ADAM19: variants seen among roughly 807,000 people sequenced by gnomAD.
ADAM19 encodes ADAM metallopeptidase domain 19.
Under a neutral mutation model 114.7 loss-of-function variants are expected in ADAM19, and 65 were observed. The ratio of observed to expected loss-of-function variants is 0.57; its 90% CI spans 0.46 to 0.70. The LOEUF is 0.70. ADAM19 is among the 30% of genes least tolerant of loss of function. The pLI, the probability that ADAM19 is intolerant of heterozygous loss-of-function variation, is 0.00. For synonymous variants in ADAM19, 466 were observed against 460.5 expected (o/e 1.01, Z -0.15); for missense variants, 1,063 against 1,204.7 (o/e 0.88, Z 1.74).
At position 157,531,799 on chromosome 5, in the gene ADAM19, G is replaced by C. The variant is rs1012386690; in HGVS notation, c.331-916C>G. Among the ~76,000 whole-genome samples the C allele has an allele frequency of 1.1e-4, 17 of 152,230 alleles. 1 individual carries two copies. The South Asian group carries it at 2.1e-3, about 19-fold the overall frequency. ...ACACAGAAAGAGAAGAAGGCCATTT[G>C]AAGATGGGGGCAGAGACTGGAGTGA... On this transcript the variant is annotated intron_variant, in intron 4 of 22. Coordinates refer to ENST00000257527, the MANE Select transcript of ADAM19 (RefSeq NM_033274.5).
At chr5:157,527,801 G>T (rs1319236634) in intron 5 of ADAM19, among the ~76,000 whole-genome samples, 1 of 152,178 alleles carries the variant, frequency 6.6e-6, no homozygotes, top group Non-Finnish European at 1.5e-5. Flanking sequence ...GTGAGAAAGA[G>T]ATGTTATCTT....
At position 157,479,751 on chromosome 5, in the gene ADAM19, T is replaced by A. The variant is rs1460630899; in HGVS notation, c.*1198A>T. ...AGCTGCTGCTGGCTGCCTTCTCCAG[T>A]GATCTCGGGCAGCTCCCAGAAATGG... is the stretch of plus-strand genomic sequence containing the variant. On this transcript the variant is annotated 3_prime_UTR_variant, in exon 23 of 23. Transcript: ENST00000257527. 3.0e-6 allele frequency: 3 copies of A among 985,544 alleles called. No individual in the cohort carries two copies. The African/African-American group carries it at 5.2e-5, about 17-fold the overall frequency. The allele number at this position is 985,544 out of a possible 1,614,324, so 61.0% of individuals were successfully genotyped here.
chr5:157,524,250 T>G (rs1197923805), intron 5 of ADAM19, among the ~76,000 whole-genome samples: 1 of 152,252 alleles, frequency 6.6e-6, no homozygotes, highest in Non-Finnish European at 1.5e-5. Context: ...ATGTTAGCCC[T>G]GGCAAAGGCA....
At chr5:157,566,924 A>T (rs1254351517) in intron 2 of ADAM19, among the ~76,000 whole-genome samples, 1 of 152,190 alleles carries the variant, frequency 6.6e-6, no homozygotes, top group Non-Finnish European at 1.5e-5. Context: ...CTCCCAACTC[A>T]GCCTCCCAAA....
intron 3 of ADAM19, among the ~76,000 whole-genome samples, chr5:157,563,836 G>A (rs1451794067): frequency 1.3e-5 from 2 of 152,196 alleles, no homozygotes; most frequent in African/African-American, 4.8e-5. Context: ...CAAGATGAAT[G>A]AGGTTAAGAA....
intron 22 of ADAM19, 77 bp from the exon 23 acceptor site, chr5:157,481,079 C>T: frequency 2.5e-6 from 4 of 1,591,884 alleles, no homozygotes; most frequent in Non-Finnish European, 3.4e-6. Context: ...AGCCATCCTC[C>T]CGATTTTAGA....
At chr5:157,560,746 G>T (rs982144942) in intron 3 of ADAM19, among the ~76,000 whole-genome samples, 11 of 152,210 alleles carry the variant, frequency 7.2e-5, no homozygotes, top group African/African-American at 2.4e-4. Flanking sequence ...TCCAGGGTTT[G>T]CTCACCAAAC....
intron 8 of ADAM19, 103 bp from the exon 9 acceptor site, chr5:157,509,570 T>A: frequency 1.1e-6 from 1 of 910,954 alleles, no homozygotes; most frequent in Non-Finnish European, 1.5e-6. Context: ...AGAAAAAAAC[T>A]AAAACTAAAA....
rs764108529 is a variant in ADAM19, at chr5:157,492,962, AG to A, written c.1908+10del. On this transcript the variant is annotated intron_variant, in intron 16 of 22. Coordinates refer to ENST00000257527, the MANE Select transcript of ADAM19 (RefSeq NM_033274.5). ...CAGCTGGCTCCTAGGTGAGCAGGGG[AG>A]GGGACTCACATGGTTGTAGCCACAC... 1 of 1,613,894 alleles carries A rather than the reference AG, an allele frequency of 6.2e-7. No homozygotes were observed. The highest frequency in any genetic ancestry group is 2.2e-5 in the East Asian group (1 of 44,872).
chr5:157,545,171 G>T (rs1415109801), intron 3 of ADAM19, among the ~76,000 whole-genome samples: 1 of 152,212 alleles, frequency 6.6e-6, no homozygotes, highest in African/African-American at 2.4e-5. Flanking sequence ...CTAAGACACA[G>T]ACCGCACCCA....
Position 157,480,462 on chromosome 5 carries a change from T to C in ADAM19, c.*487A>G. The stretch of plus-strand genomic sequence containing the variant: ...CAGCAGTGGCTGGCTTGACCCTTCC[T>C]TAATCCCTAAAAGCTAAAAGGGGTG... On this transcript the variant is annotated 3_prime_UTR_variant, in exon 23 of 23. Coordinates refer to ENST00000257527, the MANE Select transcript of ADAM19 (RefSeq NM_033274.5). The C allele has an allele frequency of 1.0e-6, 1 of 990,884 alleles. No individual in the cohort carries two copies. Among genetic ancestry groups the C allele is most frequent in the Non-Finnish European group, 1.2e-6 (1 of 833,520 alleles). The allele number at this position is 990,884 out of a possible 1,614,324, so 61.4% of individuals were successfully genotyped here.
chr5:157,530,984 CCT>C (rs1491378176), intron 4 of ADAM19, 101 bp from the exon 5 acceptor site: 6 of 932,880 alleles, frequency 6.4e-6, no homozygotes, highest in Non-Finnish European at 1.0e-5. Context: ...TTATTATATA[CCT>C]ACCCAACCTT....
At chr5:157,490,286 G>A (rs1165351028) in intron 19 of ADAM19, 24 bp downstream of exon 19, 17 of 1,613,194 alleles carry the variant, frequency 1.1e-5, no homozygotes, top group Non-Finnish European at 1.4e-5. Flanking sequence ...TTGACCCTGA[G>A]TCCTCCATTG....
Position 157,491,862 on chromosome 5 carries a change from G to A in ADAM19, c.1959C>T (p.Gly653=). The part of the protein sequence containing the change: ...CRNTSFFETE[G]CGKKCNGHGV... The stretch of plus-strand genomic sequence containing the variant: ...CATGGCCATTGCACTTCTTCCCACA[G>A]CCTTCAGTTTCAAAGAAGGAGGTGT... Residue 653 remains glycine (G), a synonymous_variant, in exon 17 of 23, where the codon GGC becomes GGT. Transcript: ENST00000257527. 2 of 1,614,234 alleles carry A rather than the reference G, an allele frequency of 1.2e-6. No individual in the cohort carries two copies. The highest frequency in any genetic ancestry group is 8.5e-7 in the Non-Finnish European group (1 of 1,180,050).
chr5:157,495,994 G>A (rs568933492), intron 14 of ADAM19, among the ~76,000 whole-genome samples: 1 of 133,140 alleles, frequency 7.5e-6, no homozygotes, highest in Non-Finnish European at 1.5e-5. Context: ...TTGGGCTGGA[G>A]TCCTAGAGTG....
In ADAM19 at chr5:157,489,202, G is replaced by A. The variant is rs748159029; in HGVS notation, c.2241-16C>T. ...GAAGGGACAACTAGAAACAAGAAAT[G>A]GGGGAGGAAAAGAAAGGGGACGATG... On this transcript the variant is annotated splice_polypyrimidine_tract_variant and intron_variant, in intron 19 of 22. Coordinates refer to ENST00000257527, the MANE Select transcript of ADAM19 (RefSeq NM_033274.5). The A allele has an allele frequency of 1.3e-6, 2 of 1,595,742 alleles. No individual in the cohort carries two copies. The highest frequency in any genetic ancestry group is 1.7e-4 in the Middle Eastern group (1 of 6,018).
At chr5:157,503,038 G>C (rs1454744784) in intron 11 of ADAM19, 58 bp from the exon 12 acceptor site, 64 of 1,529,266 alleles carry the variant, frequency 4.2e-5, no homozygotes, top group Non-Finnish European at 5.4e-5. Flanking sequence ...AGTCAGGCAG[G>C]TGTCACTCGT....
chr5:157,563,535 G>T (rs989910587), intron 3 of ADAM19, among the ~76,000 whole-genome samples: 1 of 152,166 alleles, frequency 6.6e-6, no homozygotes. Context: ...GGGGGTTCTG[G>T]AGGCTGCCAA....
chr5:157,574,712 C>G (rs749727443), intron 1 of ADAM19, among the ~76,000 whole-genome samples: 8 of 152,194 alleles, frequency 5.3e-5, no homozygotes, highest in Non-Finnish European at 1.2e-4. Flanking sequence ...CCAAGCCTTC[C>G]GCGAAATCTG....
Sources: allele counts gnomAD v4.1 joint callset (sites outside exome capture counted in the v4.1 genomes callset), GRCh38; gene constraint gnomAD v4.1.1; transcripts MANE v1.5; gene names NCBI Gene and HGNC (gene_info 2026-07-23, HGNC 2026-07-21).